The following DENND1B variants were observed in gnomAD, a reference collection of about 807,000 sequenced individuals.
DENND1B encodes the protein DENN domain containing 1B.
Under a neutral mutation model 90.1 loss-of-function variants are expected in DENND1B, and 59 were observed. The observed-to-expected ratio is 0.65, with a 90% CI of 0.53 to 0.81. DENND1B has a LOEUF of 0.81. Among genes scored for constraint, DENND1B ranks in the 40% least tolerant of loss-of-function variants. The pLI is 0.00. For synonymous variants in DENND1B, 337 were observed against 324.6 expected (o/e 1.04, Z -0.41); for missense variants, 862 against 912.6 (o/e 0.94, Z 0.71).
intron 20 of DENND1B, among the ~76,000 whole-genome samples, chr1:197,522,030 A>G (rs1668812917): frequency 6.6e-6 from 1 of 152,056 alleles, no homozygotes; most frequent in Non-Finnish European, 1.5e-5. Flanking sequence ...AAGTCCAGAG[A>G]GACCCAGAAG....
intron 3 of DENND1B, among the ~76,000 whole-genome samples, chr1:197,698,155 C>T (rs994122291): frequency 3.9e-5 from 6 of 152,180 alleles, no homozygotes; most frequent in Admixed American, 2.6e-4. Context: ...CTAAAATTGA[C>T]CACATAATTG....
chr1:197,723,022 A>G (rs1488850522), intron 2 of DENND1B, among the ~76,000 whole-genome samples: 1 of 152,204 alleles, frequency 6.6e-6, no homozygotes, highest in Non-Finnish European at 1.5e-5. Flanking sequence ...CAATTTGGAT[A>G]ATGGATAATT....
At chr1:197,566,117 G>A (rs1444020803) in intron 15 of DENND1B, among the ~76,000 whole-genome samples, 5 of 151,970 alleles carry the variant, frequency 3.3e-5, no homozygotes, top group Non-Finnish European at 4.4e-5. Context: ...CAGTGTAAAA[G>A]TATTCCTATT....
chr1:197,556,961 G>A (rs1671771665), intron 15 of DENND1B, among the ~76,000 whole-genome samples: 1 of 151,880 alleles, frequency 6.6e-6, no homozygotes, highest in African/African-American at 2.4e-5. Context: ...AGTAAATGTT[G>A]TGGAAAGACG....
chr1:197,565,613 A>G (rs1183236891), intron 15 of DENND1B, among the ~76,000 whole-genome samples: 7 of 148,492 alleles, frequency 4.7e-5, no homozygotes, highest in African/African-American at 1.7e-4. Context: ...AGCATTAGGT[A>G]TATCTCCTAA....
At chr1:197,560,900 C>T (rs1041315627) in intron 15 of DENND1B, among the ~76,000 whole-genome samples, 2 of 151,752 alleles carry the variant, frequency 1.3e-5, no homozygotes, top group African/African-American at 2.4e-5. Flanking sequence ...AAGAGAAAAT[C>T]GAAGTAATTA....
intron 3 of DENND1B, among the ~76,000 whole-genome samples, chr1:197,697,356 A>G (rs1234668879): frequency 6.6e-6 from 1 of 151,688 alleles, no homozygotes; most frequent in Non-Finnish European, 1.5e-5. Context: ...AAAAGAAACA[A>G]CATTCCAACA....
At chr1:197,615,725 T>C (rs1677587100) in intron 11 of DENND1B, among the ~76,000 whole-genome samples, 1 of 150,926 alleles carries the variant, frequency 6.6e-6, no homozygotes, top group Admixed American at 6.6e-5. Flanking sequence ...TATATTATAT[T>C]ACTCCGTTCC....
chr1:197,727,188 T>G (rs1661717251), intron 2 of DENND1B, among the ~76,000 whole-genome samples: 1 of 152,220 alleles, frequency 6.6e-6, no homozygotes, highest in African/African-American at 2.4e-5. Flanking sequence ...ACTATTAGTC[T>G]GAACATGCTT....
chr1:197,610,529 T>C (rs1327679896), intron 12 of DENND1B, among the ~76,000 whole-genome samples: 1 of 150,594 alleles, frequency 6.6e-6, no homozygotes, highest in Non-Finnish European at 1.5e-5. Flanking sequence ...ATAAACATGT[T>C]ATAAAAATTA....
upstream of DENND1B, among the ~76,000 whole-genome samples, chr1:197,779,985 G>A (rs1175846318): frequency 2.6e-5 from 4 of 152,102 alleles, no homozygotes; most frequent in African/African-American, 4.8e-5. Flanking sequence ...TGAGTTCTCT[G>A]GAGAAGATAT....
In DENND1B at chr1:197,680,967, A is replaced by AC. The variant is rs1459785348; in HGVS notation, c.127-6799dup. The stretch of plus-strand genomic sequence containing the variant: ...TAGGATAATATCAAGCACATTAACC[A>AC]CCCCCAACAACTGTTAGCTCTTTTA... On this transcript the variant is annotated intron_variant, in intron 3 of 22. Transcript: ENST00000620048. Among the ~76,000 whole-genome samples, 6 of 152,100 alleles carry AC rather than the reference A, an allele frequency of 3.9e-5. 1 individual carries two copies. The highest frequency in any genetic ancestry group is 3.9e-4 in the Admixed American group (6 of 15,270).
intron 5 of DENND1B, among the ~76,000 whole-genome samples, chr1:197,662,564 C>CT (rs1260708740): frequency 6.6e-6 from 1 of 151,844 alleles, no homozygotes; most frequent in East Asian, 1.9e-4. Flanking sequence ...TATAGCGAGC[C>CT]TTTTTTAAAA....
chr1:197,638,485 G>A (rs1679984522), intron 10 of DENND1B, among the ~76,000 whole-genome samples: 1 of 152,174 alleles, frequency 6.6e-6, no homozygotes, highest in African/African-American at 2.4e-5. Flanking sequence ...CCAGCCGGGT[G>A]TTTGAGACAA....
At chr1:197,673,257 T>A (rs371228550) in intron 4 of DENND1B, among the ~76,000 whole-genome samples, 147 of 152,160 alleles carry the variant, frequency 9.7e-4, no homozygotes, top group African/African-American at 3.3e-3. Context: ...ACTATTAATA[T>A]GAAACGTGTA....
intron 13 of DENND1B, among the ~76,000 whole-genome samples, chr1:197,597,953 A>G (rs1675858724): frequency 6.6e-6 from 1 of 151,880 alleles, no homozygotes; most frequent in African/African-American, 2.4e-5. Flanking sequence ...TTTGGAAGCA[A>G]TAATATTTAG....
At chr1:197,585,844 T>G (rs2125781796) in intron 14 of DENND1B, among the ~76,000 whole-genome samples, 1 of 152,318 alleles carries the variant, frequency 6.6e-6, no homozygotes, top group Non-Finnish European at 1.5e-5. Context: ...AGGCATATGT[T>G]ATGAAAGAGA....
At chr1:197,518,568 T>G (rs1163877599) in intron 20 of DENND1B, among the ~76,000 whole-genome samples, 4 of 152,028 alleles carry the variant, frequency 2.6e-5, no homozygotes, top group African/African-American at 7.2e-5. Flanking sequence ...CAAGTTTTCT[T>G]GGGCTTAGTT....
At chr1:197,774,330 A>G (rs1234318021) in intron 1 of DENND1B, among the ~76,000 whole-genome samples, 1 of 152,196 alleles carries the variant, frequency 6.6e-6, no homozygotes, top group African/African-American at 2.4e-5. Flanking sequence ...TATACATGGC[A>G]TTATTTTAAA....
Sources: gnomAD v4.1 joint callset for allele counts (sites outside exome capture counted in the v4.1 genomes callset) on GRCh38, gnomAD v4.1.1 for gene constraint, MANE v1.5 for transcripts, NCBI Gene and HGNC (gene_info 2026-07-23, HGNC 2026-07-21) for gene names.